Variants in ERC2 observed in about 807,000 individuals in gnomAD.
The protein encoded by ERC2 is ELKS/RAB6-interacting/CAST family member 2.
A neutral mutation model predicts 114.8 loss-of-function variants in ERC2; 42 were observed. The ratio of observed to expected loss-of-function variants is 0.37; its 90% CI spans 0.29 to 0.47. ERC2 has a LOEUF of 0.47. Ranked by LOEUF, ERC2 falls within the 20% of genes least tolerant of loss-of-function variation. ERC2 has a pLI of 0.99. For missense variants in ERC2, 939 were observed against 1,150.7 expected (o/e 0.82, Z 2.66); for synonymous variants, 454 against 425.5 (o/e 1.07, Z -0.82).
chr3:56,016,918 T>C (rs1422378193), intron 8 of ERC2, among the ~76,000 whole-genome samples: 1 of 152,126 alleles, frequency 6.6e-6, no homozygotes, highest in East Asian at 1.9e-4. Flanking sequence ...ATAATGCTAT[T>C]ACTCTAGTAG....
chr3:56,131,016 GT>G lies in ERC2; in HGVS notation c.1473+8492del, dbSNP rs377331575. Among the ~76,000 whole-genome samples the G allele has an allele frequency of 2.8e-4, 42 of 152,180 alleles. 1 individual carries two copies. In the South Asian group the frequency reaches 8.5e-3, roughly 31 times the overall value. On this transcript the variant is annotated intron_variant, in intron 6 of 17. Transcript: ENST00000288221. Reference sequence around the variant, plus strand: ...ACATTAGGGGAGGGGAAAGTGTGTTGTTTGGCACTACCATCATCCATACTCT... The same window carrying G: ...ACATTAGGGGAGGGGAAAGTGTGTTGTTGGCACTACCATCATCCATACTCT...
At chr3:55,550,881 TGGTG>T (rs2055139546) in intron 17 of ERC2, among the ~76,000 whole-genome samples, 4 of 151,658 alleles carry the variant, frequency 2.6e-5, no homozygotes, top group Admixed American at 2.6e-4. Flanking sequence ...CCGGGCGTGG[TGGTG>T]GGTGCCTGTA....
chr3:55,677,313 G>C (rs575507872), intron 17 of ERC2, among the ~76,000 whole-genome samples: 1 of 152,156 alleles, frequency 6.6e-6, no homozygotes, highest in East Asian at 1.9e-4. Flanking sequence ...ATGTTTATAG[G>C]GTAAACATGC....
intron 2 of ERC2, among the ~76,000 whole-genome samples, chr3:56,301,312 A>G (rs1011298442): frequency 6.6e-6 from 1 of 152,124 alleles, no homozygotes; most frequent in Non-Finnish European, 1.5e-5. Context: ...TTTTCTTTTA[A>G]TTTTTCATTT....
chr3:56,209,384 G>C (rs2048927661), intron 3 of ERC2, among the ~76,000 whole-genome samples: 1 of 152,142 alleles, frequency 6.6e-6, no homozygotes, highest in Non-Finnish European at 1.5e-5. Context: ...CTTGGTCACA[G>C]TCCTTATTCT....
chr3:56,425,560 CT>C (rs67210393), intron 2 of ERC2, among the ~76,000 whole-genome samples: 7,057 of 123,772 alleles, frequency 0.057, 235 homozygotes, highest in East Asian at 0.27. Flanking sequence ...GACCCTTTTT[CT>C]TTTTTTTTTT....
intron 15 of ERC2, among the ~76,000 whole-genome samples, chr3:55,725,913 G>T (rs1217094374): frequency 3.3e-5 from 5 of 152,178 alleles, no homozygotes; most frequent in African/African-American, 1.2e-4. Flanking sequence ...CTAGGATAAA[G>T]AATGTTTCCA....
chr3:56,454,753 A>G (rs1354470647), intron 1 of ERC2, among the ~76,000 whole-genome samples: 2 of 150,012 alleles, frequency 1.3e-5, no homozygotes, highest in Non-Finnish European at 3.0e-5. Context: ...TGGGAGGCTG[A>G]GGCACGAGGA....
In ERC2 at chr3:55,799,451, A is replaced by C. The variant is rs1402282671; in HGVS notation, c.2565-64533T>G. On this transcript the variant is annotated intron_variant, in intron 14 of 17. Coordinates refer to ENST00000288221, the MANE Select transcript of ERC2 (RefSeq NM_015576.3). ...ATATATATGCCTTATATATATATGC[A>C]TATATATATATATATATATATATGC... Among the ~76,000 whole-genome samples the C allele has an allele frequency of 1.7e-4, 9 of 54,294 alleles. 1 individual carries two copies. The highest frequency in any genetic ancestry group is 1.3e-3 in the African/African-American group (8 of 6,342). The allele number at this position is 54,294 out of a possible 152,430, so 35.6% of individuals were successfully genotyped here.
chr3:55,908,580 AAGG>A (rs2064608619), intron 13 of ERC2, among the ~76,000 whole-genome samples: 1 of 152,238 alleles, frequency 6.6e-6, no homozygotes, highest in South Asian at 2.1e-4. Flanking sequence ...GAATGCTGAC[AAGG>A]AGAAGGAAGG....
chr3:55,839,760 A>G (rs1244799066), intron 14 of ERC2, among the ~76,000 whole-genome samples: 1 of 151,996 alleles, frequency 6.6e-6, no homozygotes, highest in Non-Finnish European at 1.5e-5. Context: ...CCAAATCAAG[A>G]CAGTAAAAAG....
chr3:55,629,183 C>T (rs560799636), intron 17 of ERC2, among the ~76,000 whole-genome samples: 2 of 152,238 alleles, frequency 1.3e-5, no homozygotes, highest in African/African-American at 2.4e-5. Flanking sequence ...TCGCGGCTCA[C>T]TTGGAGCCAC....
chr3:55,595,637 G>A (rs2058092350), intron 17 of ERC2, among the ~76,000 whole-genome samples: 1 of 152,168 alleles, frequency 6.6e-6, no homozygotes, highest in South Asian at 2.1e-4. Context: ...TCAGAGCCAG[G>A]ATCTAATGAA....
chr3:55,945,992 C>A (rs113602503), intron 13 of ERC2, among the ~76,000 whole-genome samples: 6 of 150,692 alleles, frequency 4.0e-5, no homozygotes, highest in African/African-American at 1.5e-4. Context: ...AAAAATGCAG[C>A]CAAAATCTAC....
At chr3:56,201,924 A>T (rs1199724862) in intron 3 of ERC2, among the ~76,000 whole-genome samples, 5 of 152,176 alleles carry the variant, frequency 3.3e-5, no homozygotes, top group Admixed American at 2.6e-4. Context: ...TTCAGAAAGG[A>T]TGCTTTATTA....
At chr3:55,780,740 G>A (rs573060051) in intron 14 of ERC2, among the ~76,000 whole-genome samples, 59 of 152,262 alleles carry the variant, frequency 3.9e-4, no homozygotes, top group Non-Finnish European at 7.6e-4. Context: ...ATTTACGGAT[G>A]TGCCTTTTGC....
At chr3:56,053,287 A>G (rs2075855520) in intron 7 of ERC2, among the ~76,000 whole-genome samples, 1 of 152,168 alleles carries the variant, frequency 6.6e-6, no homozygotes. Context: ...CCACAGGGAA[A>G]AGAGGTGTAA....
At chr3:55,655,981 C>G (rs751961311) in intron 17 of ERC2, among the ~76,000 whole-genome samples, 8 of 152,218 alleles carry the variant, frequency 5.3e-5, no homozygotes, top group Non-Finnish European at 1.2e-4. Context: ...AGTTGGAAAA[C>G]TTATCCACTT....
At chr3:55,751,516 T>C (rs2066704640) in intron 14 of ERC2, among the ~76,000 whole-genome samples, 2 of 152,194 alleles carry the variant, frequency 1.3e-5, no homozygotes, top group Admixed American at 1.3e-4. Flanking sequence ...AATATGTATA[T>C]ATATATTGGT....
Sources: allele counts gnomAD v4.1 joint callset (sites outside exome capture counted in the v4.1 genomes callset), GRCh38; gene constraint gnomAD v4.1.1; transcripts MANE v1.5; gene names NCBI Gene and HGNC (gene_info 2026-07-23, HGNC 2026-07-21).